Variants in TSPAN9 observed in about 807,000 individuals in gnomAD.
TSPAN9 encodes the protein tetraspanin 9.
A neutral mutation model predicts 31.0 loss-of-function variants in TSPAN9; 16 were observed. The observed-to-expected ratio is 0.52, with a 90% CI of 0.35 to 0.78. The LOEUF is 0.78. Ranked by LOEUF, TSPAN9 falls within the 30% of genes least tolerant of loss-of-function variation. The probability of loss-of-function intolerance (pLI) is 0.01; values close to 1 mark genes in which losing one functional copy is unlikely to be tolerated. For synonymous variants in TSPAN9, 145 were observed against 121.6 expected, an observed-to-expected ratio of 1.19 and a Z score of -1.27; for missense variants, 272 against 312.5, an observed-to-expected ratio of 0.87 and a Z score of 0.98.
chr12:3,158,721 C>CA (rs765787475), intron 2 of TSPAN9, among the ~76,000 whole-genome samples: 12,383 of 57,806 alleles, frequency 0.21, 2,053 homozygotes, highest in Middle Eastern at 0.35. Context: ...GACTCTGTCT[C>CA]AAAAAAAAAA....
intron 3 of TSPAN9, among the ~76,000 whole-genome samples, chr12:3,213,680 A>C (rs1190613661): frequency 1.3e-5 from 2 of 150,892 alleles, no homozygotes; most frequent in Non-Finnish European, 3.0e-5. Flanking sequence ...GCCTGCTGGG[A>C]GGAGGGGAGT....
intron 3 of TSPAN9, among the ~76,000 whole-genome samples, chr12:3,235,386 G>A (rs759389966): frequency 4.8e-4 from 72 of 149,682 alleles, no homozygotes; most frequent in African/African-American, 1.1e-3. Flanking sequence ...CATGGGGTTC[G>A]CACGCTAGCA....
At chr12:3,138,042 C>T (rs986962079) in intron 2 of TSPAN9, among the ~76,000 whole-genome samples, 1 of 152,182 alleles carries the variant, frequency 6.6e-6, no homozygotes, top group African/African-American at 2.4e-5. Context: ...ACCATCCTTG[C>T]CTTCTCTGGG....
intron 3 of TSPAN9, among the ~76,000 whole-genome samples, chr12:3,233,237 A>G (rs2098391712): frequency 6.6e-6 from 1 of 152,232 alleles, no homozygotes; most frequent in Non-Finnish European, 1.5e-5. Context: ...GTAAATTAGT[A>G]AGGTTACAAG....
intron 2 of TSPAN9, among the ~76,000 whole-genome samples, chr12:3,091,639 G>A (rs1170077527): frequency 1.3e-5 from 2 of 152,186 alleles, no homozygotes; most frequent in African/African-American, 4.8e-5. Flanking sequence ...TCAACTGCTG[G>A]GTGGTTTTTG....
intron 3 of TSPAN9, among the ~76,000 whole-genome samples, chr12:3,276,966 TC>T (rs1862800951): frequency 2.0e-5 from 3 of 152,254 alleles, no homozygotes; most frequent in South Asian, 4.1e-4. Context: ...CTCTGTTTCT[TC>T]CCAGGAACCA....
intron 3 of TSPAN9, among the ~76,000 whole-genome samples, chr12:3,276,475 T>C (rs1326126561): frequency 6.6e-6 from 1 of 152,200 alleles, no homozygotes; most frequent in Non-Finnish European, 1.5e-5. Flanking sequence ...CTGGCCAGGC[T>C]CCTTCCCACT....
At position 3,172,526 on chromosome 12, in the gene TSPAN9, C is replaced by T. The variant is rs566781538; in HGVS notation, c.-17-28651C>T. 2.0e-5 allele frequency: 3 copies of T among 152,310 alleles called. No homozygotes were observed. The East Asian group carries it at 5.8e-4, about 29-fold the overall frequency. The allele number at this position is 152,310 out of a possible 1,614,324, so 9.4% of individuals were successfully genotyped here. A position where few individuals can be genotyped will look rare whatever the true frequency, so the allele number is the denominator to read the frequency against. On this transcript the variant is annotated intron_variant, in intron 2 of 8. Transcript: ENST00000011898. This position sits in a 1 kb window ranked among gnomAD's most constrained non-coding sequence, Gnocchi z 4.8. ...TTAAACGCCGCTTGCTGAGTCCCAC[C>T]CTAGCGCATAGAATCATAACCGCGG...
At chr12:3,201,401 C>A (rs1367378273) in intron 3 of TSPAN9, 145 bp downstream of exon 3, 4 of 723,222 alleles carry the variant, frequency 5.5e-6, no homozygotes, top group South Asian at 3.9e-5. Context: ...ATTGCCCCCG[C>A]CCCCCTTTCA....
chr12:3,197,300 C>A (rs1216420270), intron 2 of TSPAN9, among the ~76,000 whole-genome samples: 1 of 152,206 alleles, frequency 6.6e-6, no homozygotes, highest in African/African-American at 2.4e-5. Context: ...GTGGGCCCCT[C>A]AGGAGCGGCC....
At chr12:3,140,003 G>T (rs1214778060) in intron 2 of TSPAN9, among the ~76,000 whole-genome samples, 4 of 152,240 alleles carry the variant, frequency 2.6e-5, no homozygotes, top group Non-Finnish European at 5.9e-5. Flanking sequence ...CCCCGCTGCA[G>T]AATTTGCTTT....
intron 2 of TSPAN9, among the ~76,000 whole-genome samples, chr12:3,180,136 A>C (rs1243852599): frequency 6.6e-6 from 1 of 152,178 alleles, no homozygotes; most frequent in East Asian, 1.9e-4. Flanking sequence ...GCGCACACAC[A>C]GCTACACCTG....
intron 2 of TSPAN9, among the ~76,000 whole-genome samples, chr12:3,116,987 C>T (rs1387178069): frequency 2.0e-5 from 3 of 152,232 alleles, no homozygotes; most frequent in Non-Finnish European, 2.9e-5. Flanking sequence ...GGGACAGACA[C>T]AAACTGAGTG....
intron 2 of TSPAN9, among the ~76,000 whole-genome samples, chr12:3,140,601 C>T (rs951015439): frequency 2.6e-5 from 4 of 151,832 alleles, no homozygotes; most frequent in Admixed American, 6.6e-5. Context: ...GGTGAGGAGG[C>T]GTTTGGGGTT....
At chr12:3,110,176 T>C (rs1000454418) in intron 2 of TSPAN9, among the ~76,000 whole-genome samples, 3 of 152,102 alleles carry the variant, frequency 2.0e-5, no homozygotes, top group African/African-American at 7.2e-5. Flanking sequence ...GTCTGTGGAC[T>C]GAGGAAACCA....
chr12:3,205,574 G>A (rs1043033418), intron 3 of TSPAN9, among the ~76,000 whole-genome samples: 2 of 152,194 alleles, frequency 1.3e-5, no homozygotes, highest in Non-Finnish European at 2.9e-5. Context: ...GTCATAAGGA[G>A]TCTATGGGGT....
At chr12:3,262,239 GTTATTTCTTT>G (rs1297902031) in intron 3 of TSPAN9, among the ~76,000 whole-genome samples, 2 of 152,200 alleles carry the variant, frequency 1.3e-5, no homozygotes, top group African/African-American at 4.8e-5. Flanking sequence ...CACTTGCAGT[GTTATTTCTTT>G]TGGCTCCCGT....
intron 2 of TSPAN9, among the ~76,000 whole-genome samples, chr12:3,090,910 G>A (rs1307948748): frequency 7.9e-5 from 12 of 152,356 alleles, no homozygotes; most frequent in African/African-American, 2.9e-4. Context: ...GCAAACACTC[G>A]ATCTTCATGT....
At chr12:3,238,996 G>C (rs1321014042) in intron 3 of TSPAN9, among the ~76,000 whole-genome samples, 1 of 152,222 alleles carries the variant, frequency 6.6e-6, no homozygotes, top group Non-Finnish European at 1.5e-5. Context: ...AGAGGGGTAG[G>C]TGAGTTCCCA....
Sources: allele counts gnomAD v4.1 joint callset (sites outside exome capture counted in the v4.1 genomes callset), GRCh38; gene constraint gnomAD v4.1.1; non-coding constraint Gnocchi (gnomAD v3.1); transcripts MANE v1.5; gene names NCBI Gene and HGNC (gene_info 2026-07-23, HGNC 2026-07-21).